The following EEF2K variants were observed in gnomAD, a reference collection of about 807,000 sequenced individuals.
The protein encoded by EEF2K is eukaryotic elongation factor 2 kinase.
In EEF2K, 70 loss-of-function variants were observed where a neutral mutation model predicts 93.8. That is an observed-to-expected ratio of 0.75 (90% CI 0.62 to 0.91). EEF2K has a LOEUF of 0.91. Among genes scored for constraint, EEF2K ranks in the 40% least tolerant of loss-of-function variants. The pLI is 0.00. For missense variants in EEF2K, 935 were observed against 972.9 expected (o/e 0.96, Z 0.52); for synonymous variants, 376 against 380.8 (o/e 0.99, Z 0.15).
Position 22,206,310 on chromosome 16 carries a change from A to G in EEF2K, c.-446A>G, listed in dbSNP as rs544348875. The G allele has an allele frequency of 5.9e-4, 84 of 142,452 alleles. No homozygotes were observed. The highest frequency in any genetic ancestry group is 3.7e-3 in the Middle Eastern group (1 of 272). The allele number at this position is 142,452 out of a possible 1,614,324, so 8.8% of individuals were successfully genotyped here. A position where few individuals can be genotyped will look rare whatever the true frequency, so the allele number is the denominator to read the frequency against. On this transcript the variant is annotated 5_prime_UTR_variant, in exon 1 of 18. Transcript: ENST00000263026. ...CTAGACCAGCCCCAGCTTCAGCCTC[A>G]GCTCCCCTCCTTCCTGGATCGAGCG...
At position 22,225,926 on chromosome 16, in the gene EEF2K, G is replaced by A; in HGVS notation, c.197G>A (p.Ser66Asn). Residue 66 changes from serine to asparagine, a missense_variant, in exon 2 of 18, where the codon AGT (serine) becomes AAT (asparagine). Coordinates refer to ENST00000263026, the MANE Select transcript of EEF2K (RefSeq NM_013302.5). Reference protein sequence around the residue: ...VNKYYSNLTKSERYSSSGSPA... With the variant: ...VNKYYSNLTKNERYSSSGSPA... Reference sequence around the variant, plus strand: ...AAGTACTACAGCAACCTAACAAAAAGTGAGCGGTATAGCTCCAGCGGGTCC... The same window carrying A: ...AAGTACTACAGCAACCTAACAAAAAATGAGCGGTATAGCTCCAGCGGGTCC... 1 of 1,614,170 alleles carries A rather than the reference G, an allele frequency of 6.2e-7. No individual in the cohort carries two copies. The highest frequency in any genetic ancestry group is 8.5e-7 in the Non-Finnish European group (1 of 1,180,022).
intron 5 of EEF2K, 110 bp from the exon 6 acceptor site, chr16:22,251,041 G>A: frequency 7.2e-7 from 1 of 1,394,598 alleles, no homozygotes; most frequent in Non-Finnish European, 9.8e-7. Context: ...TGTTCCTGCT[G>A]CCAGCCACCC....
chr16:22,270,683 C>T (rs72768939), intron 15 of EEF2K, among the ~76,000 whole-genome samples: 9,408 of 152,160 alleles, frequency 0.062, 426 homozygotes, highest in Non-Finnish European at 0.086. Context: ...GACTGGCCTC[C>T]TGCATAATGG....
chr16:22,278,544 T>A (rs2047662754), intron 16 of EEF2K, among the ~76,000 whole-genome samples: 1 of 151,934 alleles, frequency 6.6e-6, no homozygotes, highest in African/African-American at 2.4e-5. Flanking sequence ...GGTGCAAAGG[T>A]AGACAAACAG....
chr16:22,250,992 TGCA>T (rs2047344272), intron 5 of EEF2K, among the ~76,000 whole-genome samples, 156 bp from the exon 6 acceptor site: 1 of 152,160 alleles, frequency 6.6e-6, no homozygotes, highest in Non-Finnish European at 1.5e-5. Flanking sequence ...CTTTGAAGGA[TGCA>T]GAGGGGTGGG....
At chr16:22,265,135 C>T in intron 13 of EEF2K, 1 of 425,936 alleles carries the variant, frequency 2.3e-6, no homozygotes, top group Non-Finnish European at 4.3e-6. Flanking sequence ...ACAGGGACAG[C>T]TCCTGTCTTA....
chr16:22,284,274 T>TG lies in EEF2K; in HGVS notation c.*278_*279insG, dbSNP rs944487592. The stretch of plus-strand genomic sequence containing the variant: ...AACATACCGTTTTGTGTGTGGTTTT[T>TG]TTTGTTTGTTTGTTTGTTTGTTTTG... On this transcript the variant is annotated 3_prime_UTR_variant, in exon 18 of 18. Transcript: ENST00000263026. The TG allele has an allele frequency of 1.1e-4, 41 of 372,678 alleles. No individual in the cohort carries two copies. In the Admixed American group the frequency reaches 1.6e-3, roughly 14 times the overall value. 23.1% of individuals were successfully genotyped at this position (372,678 alleles called of 1,614,324 possible). A position where few individuals can be genotyped will look rare whatever the true frequency, so the allele number is the denominator to read the frequency against.
chr16:22,276,642 G>A (rs776712726), intron 16 of EEF2K, among the ~76,000 whole-genome samples: 7 of 152,168 alleles, frequency 4.6e-5, no homozygotes, highest in Non-Finnish European at 7.3e-5. Flanking sequence ...GGGTTGGGGT[G>A]GACAGGGGTC....
chr16:22,217,483 G>A (rs76900160), intron 1 of EEF2K, among the ~76,000 whole-genome samples: 6 of 151,880 alleles, frequency 4.0e-5, no homozygotes, highest in African/African-American at 7.3e-5. Context: ...TCACTCTGTC[G>A]CCCAGGCTGG....
intron 16 of EEF2K, among the ~76,000 whole-genome samples, chr16:22,275,336 A>ATTAT (rs1044867594): frequency 7.3e-5 from 11 of 150,262 alleles, no homozygotes; most frequent in Non-Finnish European, 1.5e-4. Flanking sequence ...TTTAATTATT[A>ATTAT]TTATTTATTT....
chr16:22,262,028 CACACACACAG>C (rs1263470353), intron 11 of EEF2K, among the ~76,000 whole-genome samples: 15 of 151,624 alleles, frequency 9.9e-5, no homozygotes, highest in African/African-American at 3.6e-4. Context: ...CACACACACA[CACACACACAG>C]AAAAGATACT....
chr16:22,253,750 GATTTT>G (rs908448130), intron 6 of EEF2K, among the ~76,000 whole-genome samples: 11 of 151,976 alleles, frequency 7.2e-5, no homozygotes, highest in African/African-American at 2.7e-4. Context: ...TAAAGGCAGA[GATTTT>G]ATTTTATCAT....
In EEF2K at chr16:22,250,689, G is replaced by A. The variant is rs1382340803; in HGVS notation, c.444G>A (p.Arg148=). The A allele has an allele frequency of 1.2e-6, 2 of 1,614,186 alleles. No homozygotes were observed. The highest frequency in any genetic ancestry group is 1.7e-6 in the Non-Finnish European group (2 of 1,180,038). ...GAGGAGCAATGAGGGAGTGCTTCCG[G>A]ACGTAAGTGACTCAGCCTGGCTCTT... ...FGRGAMRECF[R]TKKLSNFLHA... is the part of the protein sequence containing the mutation. The change falls in exon 5 of 18, where the codon CGG becomes CGA. Residue 148 remains arginine (R), a splice_region_variant and synonymous_variant. Coordinates refer to ENST00000263026, the MANE Select transcript of EEF2K (RefSeq NM_013302.5).
At chr16:22,248,645 G>A in intron 3 of EEF2K, 110 bp from the exon 4 acceptor site, 1 of 1,317,252 alleles carries the variant, frequency 7.6e-7, no homozygotes, top group Non-Finnish European at 1.1e-6. Flanking sequence ...GGTGGAGAGT[G>A]GGTTGGTTCT....
intron 9 of EEF2K, 95 bp downstream of exon 9, chr16:22,257,865 CA>C (rs2047423095): frequency 6.6e-7 from 1 of 1,518,332 alleles, no homozygotes; most frequent in African/African-American, 1.4e-5. Context: ...CCAGGTCAAG[CA>C]GTGCTTAACT....
At chr16:22,251,995 T>C (rs2047356875) in intron 6 of EEF2K, among the ~76,000 whole-genome samples, 1 of 151,956 alleles carries the variant, frequency 6.6e-6, no homozygotes, top group East Asian at 1.9e-4. Flanking sequence ...GGTTTTGCCA[T>C]GTTGCCCAGG....
intron 15 of EEF2K, among the ~76,000 whole-genome samples, chr16:22,273,059 C>T (rs921843475): frequency 6.6e-6 from 1 of 152,146 alleles, no homozygotes; most frequent in Non-Finnish European, 1.5e-5. Context: ...TTTTTTGCTT[C>T]ACCCAGAAAA....
At chr16:22,241,407 G>A (rs1246422276) in intron 2 of EEF2K, among the ~76,000 whole-genome samples, 1 of 152,106 alleles carries the variant, frequency 6.6e-6, no homozygotes, top group Admixed American at 6.6e-5. Flanking sequence ...CACTTTGGGA[G>A]GCCAAGGCGG....
At chr16:22,260,421 G>A (rs770959722) in intron 10 of EEF2K, 41 bp from the exon 11 acceptor site, 10 of 1,609,806 alleles carry the variant, frequency 6.2e-6, no homozygotes, top group Middle Eastern at 1.7e-4. Context: ...GCATGTTCCA[G>A]TAGTGGAACC....
Sources: gnomAD v4.1 joint callset for allele counts (sites outside exome capture counted in the v4.1 genomes callset) on GRCh38, gnomAD v4.1.1 for gene constraint, MANE v1.5 for transcripts, NCBI Gene and HGNC (gene_info 2026-07-23, HGNC 2026-07-21) for gene names.